The following HMGB1 variants were observed in gnomAD, a reference collection of about 807,000 sequenced individuals.
HMGB1 encodes the protein high mobility group protein B1.
For synonymous variants in HMGB1, 81 were observed against 84.0 expected (o/e 0.96, Z 0.19); for missense variants, 79 against 253.5 (o/e 0.31, Z 4.67).
At chr13:30,491,051 G>A (rs572523833) in intron 1 of HMGB1, among the ~76,000 whole-genome samples, 35 of 150,680 alleles carry the variant, frequency 2.3e-4, no homozygotes, top group Non-Finnish European at 3.1e-4. Flanking sequence ...TTTTTGAGAC[G>A]GAGTTTCGCT....
chr13:30,511,638 G>A (rs1887994323), intron 1 of HMGB1, among the ~76,000 whole-genome samples: 1 of 152,178 alleles, frequency 6.6e-6, no homozygotes, highest in South Asian at 2.1e-4. Context: ...TCTGTGAAAT[G>A]TCTATTGAAC....
chr13:30,477,731 C>T (rs1002312538), intron 1 of HMGB1, among the ~76,000 whole-genome samples: 1 of 152,188 alleles, frequency 6.6e-6, no homozygotes, highest in African/African-American at 2.4e-5. Context: ...AGTGAGGCTC[C>T]CCACCTTGGA....
At chr13:30,503,961 A>G (rs556532916) in intron 1 of HMGB1, among the ~76,000 whole-genome samples, 1 of 152,168 alleles carries the variant, frequency 6.6e-6, no homozygotes, top group South Asian at 2.1e-4. Context: ...ACATACCTAC[A>G]TACATACAGA....
At chr13:30,492,305 C>T (rs889462954) in intron 1 of HMGB1, among the ~76,000 whole-genome samples, 3 of 150,328 alleles carry the variant, frequency 2.0e-5, no homozygotes, top group African/African-American at 7.4e-5. Flanking sequence ...GCCTGGGCAA[C>T]ACAGTCAGCC....
At chr13:30,488,663 A>G (rs908969345) in intron 1 of HMGB1, among the ~76,000 whole-genome samples, 1 of 137,348 alleles carries the variant, frequency 7.3e-6, no homozygotes, top group African/African-American at 2.7e-5. Context: ...TATTATTATT[A>G]TTATTATTAT....
chr13:30,490,053 G>A (rs1405170159), intron 1 of HMGB1, among the ~76,000 whole-genome samples: 1 of 150,266 alleles, frequency 6.7e-6, no homozygotes, highest in Non-Finnish European at 1.5e-5. Flanking sequence ...AAAAAAGCTG[G>A]AGAGTTTGCT....
At chr13:30,556,288 C>T (rs1423454288) in intron 1 of HMGB1, among the ~76,000 whole-genome samples, 1 of 152,114 alleles carries the variant, frequency 6.6e-6, no homozygotes, top group East Asian at 1.9e-4. Flanking sequence ...AACTGTAATC[C>T]CAGCTACTCG....
intron 1 of HMGB1, among the ~76,000 whole-genome samples, chr13:30,583,924 G>T (rs1871028800): frequency 6.6e-6 from 1 of 151,764 alleles, no homozygotes; most frequent in Non-Finnish European, 1.5e-5. Flanking sequence ...AGGATCACTT[G>T]AACCTAGGAA....
intron 1 of HMGB1, among the ~76,000 whole-genome samples, chr13:30,517,170 A>T (rs1888120148): frequency 6.6e-6 from 1 of 152,182 alleles, no homozygotes; most frequent in Non-Finnish European, 1.5e-5. Context: ...AGGCTTGGTA[A>T]AGTACAGGTT....
At chr13:30,602,043 T>A (rs1203421813) in intron 1 of HMGB1, among the ~76,000 whole-genome samples, 1 of 152,074 alleles carries the variant, frequency 6.6e-6, no homozygotes, top group African/African-American at 2.4e-5. Flanking sequence ...GACGTGCACA[T>A]GTACGAGCGT....
chr13:30,476,547 A>G (rs1225223324), intron 1 of HMGB1, among the ~76,000 whole-genome samples: 1 of 152,186 alleles, frequency 6.6e-6, no homozygotes, highest in African/African-American at 2.4e-5. Context: ...TGTGTCTCCC[A>G]TGTGCTAAGC....
rs1454032954 is a variant in HMGB1 at position 30,465,838 on chromosome 13, A to C, written c.-57T>G. 3 of 985,370 alleles carry C rather than the reference A, an allele frequency of 3.0e-6. No individual in the cohort carries two copies. The highest frequency in any genetic ancestry group is 1.7e-5 in the African/African-American group (1 of 57,188). The allele number at this position is 985,370 out of a possible 1,614,324, so 61.0% of individuals were successfully genotyped here. A position where few individuals can be genotyped will look rare whatever the true frequency, so the allele number is the denominator to read the frequency against. On this transcript the variant is annotated 5_prime_UTR_variant, in exon 1 of 5. Coordinates refer to ENST00000341423, the MANE Select transcript of HMGB1 (RefSeq NM_002128.7). ...GTCGCCCAGTGCCCGTCCGGCTCTC[A>C]CTTGCCCCGGTGCTGTCTCTATGGA... is the stretch of plus-strand genomic sequence containing the variant.
intron 1 of HMGB1, among the ~76,000 whole-genome samples, chr13:30,607,219 AATT>A (rs908292022): frequency 2.0e-5 from 3 of 152,238 alleles, no homozygotes; most frequent in East Asian, 1.9e-4. Flanking sequence ...AGGAGACTAT[AATT>A]ATTAACTCAT....
At chr13:30,572,870 G>A (rs1482162326) in intron 1 of HMGB1, among the ~76,000 whole-genome samples, 1 of 152,152 alleles carries the variant, frequency 6.6e-6, no homozygotes. Context: ...CACACTCTTG[G>A]CTTATTCTCA....
chr13:30,538,510 C>CTTTATTTCTTT (rs1164550479), intron 1 of HMGB1, among the ~76,000 whole-genome samples: 1 of 82,230 alleles, frequency 1.2e-5, no homozygotes, highest in African/African-American at 8.6e-5. Context: ...TTCTTTCTTT[C>CTTTATTTCTTT]CTTTCTTTCT....
intron 1 of HMGB1, among the ~76,000 whole-genome samples, chr13:30,506,501 TCA>T (rs1205306372): frequency 6.6e-6 from 1 of 152,160 alleles, no homozygotes; most frequent in Non-Finnish European, 1.5e-5. Flanking sequence ...CCATCTGCCC[TCA>T]CACTTCTCCT....
chr13:30,608,993 G>A (rs1950486901), intron 1 of HMGB1, among the ~76,000 whole-genome samples: 1 of 151,812 alleles, frequency 6.6e-6, no homozygotes. Flanking sequence ...CGGGCGCGGC[G>A]GCTCACGCCT....
intron 1 of HMGB1, among the ~76,000 whole-genome samples, chr13:30,535,004 T>A (rs1888581378): frequency 1.3e-5 from 2 of 152,248 alleles, no homozygotes; most frequent in Non-Finnish European, 2.9e-5. Context: ...GACTGTTCAA[T>A]GACTTACAGA....
intron 1 of HMGB1, 84 bp from the exon 2 acceptor site, chr13:30,463,778 C>G: frequency 1.2e-6 from 1 of 828,180 alleles, no homozygotes; most frequent in Non-Finnish European, 1.8e-6. Flanking sequence ...GAATGAAAAC[C>G]AAAGTACTGG....
Sources: allele counts gnomAD v4.1 joint callset (sites outside exome capture counted in the v4.1 genomes callset), GRCh38; gene constraint gnomAD v4.1.1; transcripts MANE v1.5; gene names NCBI Gene and HGNC (gene_info 2026-07-23, HGNC 2026-07-21).